The following GRAMD4 variants were observed in gnomAD, a reference collection of about 807,000 sequenced individuals.
GRAMD4 encodes the protein GRAM domain-containing protein 4.
A neutral mutation model predicts 83.9 loss-of-function variants in GRAMD4; 25 were observed. The observed-to-expected ratio is 0.30, with a 90% CI of 0.22 to 0.42. GRAMD4 has a LOEUF of 0.42. Ranked by LOEUF, GRAMD4 falls within the 10% of genes least tolerant of loss-of-function variation. GRAMD4 has a pLI of 1.00. For missense variants in GRAMD4, 593 were observed against 788.7 expected, an observed-to-expected ratio of 0.75 and a Z score of 2.97; for synonymous variants, 336 against 320.9, an observed-to-expected ratio of 1.05 and a Z score of -0.50.
In GRAMD4 at chr22:46,613,526, G is replaced by A. The variant is rs375406921; in HGVS notation, c.-49-13225G>A. Among the ~76,000 whole-genome samples, 23 of 152,346 alleles carry A rather than the reference G, an allele frequency of 1.5e-4. No homozygotes were observed. In the East Asian group the frequency reaches 4.1e-3, roughly 27 times the overall value. ...TGTCGCTGTGGTATGTGGTGGTTTT[G>A]GGTCCTCCAGGCAGGGTGATGTGAT... On this transcript the variant is annotated intron_variant, in intron 1 of 1. Coordinates refer to the GRAMD4 transcript ENST00000431155.
At chr22:46,636,050 C>T (rs564030045) in intron 2 of GRAMD4, among the ~76,000 whole-genome samples, 2 of 151,952 alleles carry the variant, frequency 1.3e-5, no homozygotes, top group Admixed American at 6.5e-5. Flanking sequence ...ACGTTTAGCC[C>T]CCGGGGTCTG....
intron 1 of GRAMD4, among the ~76,000 whole-genome samples, chr22:46,623,545 G>A (rs1052781924): frequency 1.3e-5 from 2 of 151,646 alleles, no homozygotes; most frequent in Non-Finnish European, 2.9e-5. Flanking sequence ...ACAGGTGCCC[G>A]CCACCTTGCC....
upstream of GRAMD4, among the ~76,000 whole-genome samples, chr22:46,617,298 A>G (rs1317874507): frequency 2.2e-4 from 24 of 109,766 alleles, no homozygotes; most frequent in East Asian, 9.9e-4. Flanking sequence ...TCTGCTGTGC[A>G]TGTAGGTTCC....
intron 1 of GRAMD4, among the ~76,000 whole-genome samples, chr22:46,581,130 A>G (rs1311727195): frequency 6.6e-6 from 1 of 152,186 alleles, no homozygotes; most frequent in Non-Finnish European, 1.5e-5. Flanking sequence ...CTACAGGGCT[A>G]CTGTTCTGAT....
At chr22:46,662,576 C>G (rs1387726567) in intron 5 of GRAMD4, among the ~76,000 whole-genome samples, 1 of 152,256 alleles carries the variant, frequency 6.6e-6, no homozygotes, top group African/African-American at 2.4e-5. Flanking sequence ...ACACAGCCTC[C>G]CGCTGCGCCA....
In GRAMD4 at chr22:46,622,289, G is replaced by C. The variant is rs968042016; in HGVS notation, c.-50+1724G>C. 6.6e-6 allele frequency among the ~76,000 whole-genome samples: 1 copy of C among 152,146 alleles called. No homozygotes were observed. Among genetic ancestry groups the C allele is most frequent in the Non-Finnish European group, 1.5e-5 (1 of 68,034 alleles). ...CCAAGCGTGTCCCCTGCTTTCCTTG[G>C]GTGGAGGCCAGCTCGGTGCCCTACA... On this transcript the variant is annotated intron_variant, in intron 1 of 18. Transcript: ENST00000406902. The surrounding 1 kb of genome is among the most constrained non-coding windows in gnomAD (Gnocchi z 4.0).
rs1229978876 is a variant in GRAMD4, at chr22:46,672,281, C to T, written c.1085-562C>T. Among the ~76,000 whole-genome samples the T allele has an allele frequency of 2.0e-5, 3 of 152,010 alleles. No homozygotes were observed. Among genetic ancestry groups the T allele is most frequent in the African/African-American group, 4.8e-5 (2 of 41,378 alleles). ...TCAGGTGACAGTATCGGGGAGAAAA[C>T]GGAGCTGGTGGAGGGGAACTTGCGA... On this transcript the variant is annotated intron_variant, in intron 13 of 18. Coordinates refer to ENST00000406902, the MANE Select transcript of GRAMD4 (RefSeq NM_015124.5). This position sits in a 1 kb window ranked among gnomAD's most constrained non-coding sequence, Gnocchi z 4.7.
downstream of GRAMD4, among the ~76,000 whole-genome samples, chr22:46,680,969 G>A (rs935941187): frequency 9.8e-6 from 1 of 102,380 alleles, no homozygotes; most frequent in African/African-American, 3.8e-5. Context: ...CAAGTCCTTG[G>A]TGCTGGGACA....
At chr22:46,615,663 CGTGCGT>C (rs1569261879), upstream of GRAMD4, among the ~76,000 whole-genome samples, 2,711 of 27,108 alleles carry the variant, frequency 0.1, 682 homozygotes, top group Non-Finnish European at 0.14. Flanking sequence ...TAGGTTCCCC[CGTGCGT>C]AGGTTCCCCT....
intron 1 of GRAMD4, among the ~76,000 whole-genome samples, chr22:46,582,376 T>G (rs1049859779): frequency 6.6e-6 from 1 of 151,954 alleles, no homozygotes; most frequent in Non-Finnish European, 1.5e-5. Flanking sequence ...CCTCTCTTGG[T>G]GGGTTCCCCT....
chr22:46,576,598 G>C (rs2081044089), upstream of GRAMD4, among the ~76,000 whole-genome samples: 1 of 152,208 alleles, frequency 6.6e-6, no homozygotes, highest in Non-Finnish European at 1.5e-5. Context: ...AGCGGGGTTC[G>C]TGCTGCGTCC....
Position 46,583,144 on chromosome 22 carries a change from G to A in GRAMD4, c.-50+5854G>A, listed in dbSNP as rs924924690. On this transcript the variant is annotated intron_variant, in intron 1 of 1. Transcript: ENST00000431155. ...TCACCATGTTGGTCAGGCTGGTCTC[G>A]AATTCCTGACCTTAGGTGATCCATT... 2.6e-5 allele frequency among the ~76,000 whole-genome samples: 4 copies of A among 152,134 alleles called. No individual in the cohort carries two copies. In the East Asian group the frequency reaches 5.8e-4, roughly 22 times the overall value.
At chr22:46,619,348 T>C (rs540170047), upstream of GRAMD4, among the ~76,000 whole-genome samples, 1 of 152,190 alleles carries the variant, frequency 6.6e-6, no homozygotes, top group South Asian at 2.1e-4. Flanking sequence ...TGTTTTTGTT[T>C]TGTTCTTAGA....
intron 1 of GRAMD4, among the ~76,000 whole-genome samples, chr22:46,614,920 GT>G (rs1300423056): frequency 9.7e-4 from 22 of 22,658 alleles, no homozygotes; most frequent in African/African-American, 3.1e-3. Flanking sequence ...TGTGCGTCTG[GT>G]TTCCCCCGTG....
At position 46,620,723 on chromosome 22, in the gene GRAMD4, G is replaced by A. The variant is rs980278165; in HGVS notation, c.-50+158G>A. 1.4e-4 allele frequency among the ~76,000 whole-genome samples: 22 copies of A among 152,148 alleles called. No individual in the cohort carries two copies. Among genetic ancestry groups the A allele is most frequent in the African/African-American group, 5.1e-4 (21 of 41,428 alleles). On this transcript the variant is annotated intron_variant, in intron 1 of 18. Coordinates refer to ENST00000406902, the MANE Select transcript of GRAMD4 (RefSeq NM_015124.5). The surrounding 1 kb of genome is among the most constrained non-coding windows in gnomAD (Gnocchi z 4.7). ...TCTTGAAAGGCAGGCTCCCTCCCAA[G>A]GCCGGGTGCAGGCCAGACCCCACCG...
At chr22:46,662,531 G>A (rs988797059) in intron 5 of GRAMD4, among the ~76,000 whole-genome samples, 5 of 152,214 alleles carry the variant, frequency 3.3e-5, no homozygotes, top group African/African-American at 4.8e-5. Flanking sequence ...GCTCACCCTG[G>A]GCTGGCTGCG....
intron 1 of GRAMD4, among the ~76,000 whole-genome samples, chr22:46,607,824 G>A (rs1191155179): frequency 6.6e-6 from 1 of 152,212 alleles, no homozygotes; most frequent in African/African-American, 2.4e-5. Context: ...TGCCCTGCAT[G>A]TGCTGCTCCC....
chr22:46,648,972 A>G (rs1171219061), intron 3 of GRAMD4, among the ~76,000 whole-genome samples: 2 of 145,162 alleles, frequency 1.4e-5, no homozygotes, highest in Non-Finnish European at 3.1e-5. Flanking sequence ...GGATGGATGG[A>G]TGGATGGATG....
intron 1 of GRAMD4, among the ~76,000 whole-genome samples, chr22:46,581,442 G>C (rs1432470853): frequency 6.6e-6 from 1 of 152,228 alleles, no homozygotes; most frequent in Non-Finnish European, 1.5e-5. Flanking sequence ...GGATTTGCAC[G>C]TGGGTGGCTT....
Sources: allele counts gnomAD v4.1 joint callset (sites outside exome capture counted in the v4.1 genomes callset), GRCh38; gene constraint gnomAD v4.1.1; non-coding constraint Gnocchi (gnomAD v3.1); transcripts MANE v1.5; gene names NCBI Gene and HGNC (gene_info 2026-07-23, HGNC 2026-07-21).